KAZN: variants seen among roughly 807,000 people sequenced by gnomAD.
KAZN encodes kazrin, periplakin interacting protein.
In KAZN, 40 loss-of-function variants were observed where a neutral mutation model predicts 87.4. The ratio of observed to expected loss-of-function variants is 0.46; its 90% CI spans 0.36 to 0.60. KAZN has a LOEUF of 0.60. KAZN is among the 20% of genes least tolerant of loss of function. The probability of loss-of-function intolerance (pLI) is 0.00; values close to 1 mark genes in which losing one functional copy is unlikely to be tolerated. For synonymous variants in KAZN, 466 were observed against 458.3 expected (o/e 1.02, Z -0.22); for missense variants, 898 against 1,073.9 (o/e 0.84, Z 2.29).
chr1:14,117,361 TA>T (rs1230420607), intron 1 of KAZN, among the ~76,000 whole-genome samples: 8 of 152,262 alleles, frequency 5.3e-5, no homozygotes, highest in Middle Eastern at 3.4e-3. Context: ...CTGATGATTT[TA>T]AAAAGGGGAA....
chr1:13,953,281 A>G (rs946281569), intron 1 of KAZN, among the ~76,000 whole-genome samples: 1 of 152,214 alleles, frequency 6.6e-6, no homozygotes, highest in African/African-American at 2.4e-5. Flanking sequence ...AACACCTCTC[A>G]GAATCTGGAG....
intron 1 of KAZN, among the ~76,000 whole-genome samples, chr1:14,874,265 G>A (rs568520103): frequency 1.4e-4 from 22 of 152,128 alleles, no homozygotes; most frequent in Non-Finnish European, 2.9e-4. Flanking sequence ...ATCCAACAAA[G>A]GCTACTGAAA....
At chr1:14,588,172 G>C (rs1354436681) in intron 2 of KAZN, among the ~76,000 whole-genome samples, 2 of 152,178 alleles carry the variant, frequency 1.3e-5, no homozygotes, top group Non-Finnish European at 1.5e-5. Flanking sequence ...ACCGGGTGTG[G>C]TGTAAGAATC....
At chr1:14,386,217 G>A (rs967582018) in intron 2 of KAZN, among the ~76,000 whole-genome samples, 1 of 147,264 alleles carries the variant, frequency 6.8e-6, no homozygotes, top group African/African-American at 2.5e-5. Flanking sequence ...CTCTGCACAT[G>A]AGATGGGTTT....
intron 1 of KAZN, among the ~76,000 whole-genome samples, chr1:14,071,521 T>C (rs191155557): frequency 1.3e-5 from 2 of 152,266 alleles, no homozygotes; most frequent in East Asian, 3.9e-4. Context: ...TATTTCCCAA[T>C]GTATATTTGT....
At position 14,039,035 on chromosome 1, in the gene KAZN, G is replaced by C. The variant is rs569034382; in HGVS notation, c.92-141400G>C. Among the ~76,000 whole-genome samples, 49 of 152,170 alleles carry C rather than the reference G, an allele frequency of 3.2e-4. 1 individual carries two copies. The East Asian group carries it at 9.3e-3, about 29-fold the overall frequency. On this transcript the variant is annotated intron_variant, in intron 1 of 16. Transcript: ENST00000636203. ...ACACACAAAAAATTAGCTGGGCATGGTGGTGTGTGCCTGTAATCCCAGCTA... is the reference window on the plus strand; with the variant it reads ...ACACACAAAAAATTAGCTGGGCATGCTGGTGTGTGCCTGTAATCCCAGCTA...
At chr1:14,009,272 T>G (rs1473586758) in intron 1 of KAZN, among the ~76,000 whole-genome samples, 2 of 152,242 alleles carry the variant, frequency 1.3e-5, no homozygotes, top group Non-Finnish European at 2.9e-5. Flanking sequence ...CATACCCATA[T>G]GTACACGTAA....
chr1:15,065,563 G>C, intron 7 of KAZN, 67 bp from the exon 8 acceptor site: 1 of 1,387,056 alleles, frequency 7.2e-7, no homozygotes, highest in South Asian at 1.3e-5. Flanking sequence ...ACTGCAGTCT[G>C]CACCCCAGCT....
rs534825217 is a variant in KAZN at position 14,964,457 on chromosome 1, G to A, written c.418+3582G>A. On this transcript the variant is annotated intron_variant, in intron 2 of 14. Transcript: ENST00000376030. ...TGAGCCCATCCAAGCTCAAGGTAGCGGCATTCCTGAAAGGCAGTGAGTTGG... is the reference window on the plus strand; with the variant it reads ...TGAGCCCATCCAAGCTCAAGGTAGCAGCATTCCTGAAAGGCAGTGAGTTGG... 1.1e-4 allele frequency among the ~76,000 whole-genome samples: 17 copies of A among 152,202 alleles called. No homozygotes were observed. The South Asian group carries it at 1.7e-3, about 15-fold the overall frequency.
intron 1 of KAZN, among the ~76,000 whole-genome samples, chr1:14,633,284 T>C (rs935306897): frequency 6.6e-6 from 1 of 152,160 alleles, no homozygotes. Context: ...CCCAAAACTT[T>C]GTATGGCAGA....
chr1:14,979,565 A>T (rs1259540310), intron 2 of KAZN, among the ~76,000 whole-genome samples: 2 of 152,168 alleles, frequency 1.3e-5, no homozygotes, highest in Non-Finnish European at 2.9e-5. Flanking sequence ...GAATTCAAGC[A>T]GGTGGCTCAG....
At chr1:15,112,283 G>C in intron 13 of KAZN, 144 bp from the exon 14 acceptor site, 1 of 655,418 alleles carries the variant, frequency 1.5e-6, no homozygotes, top group Non-Finnish European at 2.8e-6. Flanking sequence ...AGGATGGCAC[G>C]TGGGAGGTAA....
At chr1:14,283,169 C>T (rs1312696829) in intron 2 of KAZN, among the ~76,000 whole-genome samples, 2 of 152,184 alleles carry the variant, frequency 1.3e-5, no homozygotes, top group African/African-American at 2.4e-5. Context: ...AATTGGGCTG[C>T]AGCTTTTTCA....
Position 14,619,203 on chromosome 1 carries a change from T to G in KAZN, c.226+19980T>G, listed in dbSNP as rs79834717. 8.3e-3 allele frequency among the ~76,000 whole-genome samples: 771 copies of G among 92,340 alleles called. 11 individuals are homozygous for G. The highest frequency in any genetic ancestry group is 0.024 in the African/African-American group (737 of 30,378). The allele number at this position is 92,340 out of a possible 152,430, so 60.6% of individuals were successfully genotyped here. A position where few individuals can be genotyped will look rare whatever the true frequency, so the allele number is the denominator to read the frequency against. ...GAAAAAGGAATTTAATCATTCTTGG[T>G]TTTTTTTTTTTTAAGACAAAATTTT... On this transcript the variant is annotated intron_variant, in intron 1 of 14. Transcript: ENST00000376030.
chr1:14,427,930 A>T (rs1665829929), intron 2 of KAZN, among the ~76,000 whole-genome samples: 1 of 152,202 alleles, frequency 6.6e-6, no homozygotes, highest in Non-Finnish European at 1.5e-5. Context: ...GAAGAGTTCC[A>T]GTATGGATTT....
At chr1:14,399,927 G>T (rs1331530779) in intron 2 of KAZN, among the ~76,000 whole-genome samples, 1 of 152,062 alleles carries the variant, frequency 6.6e-6, no homozygotes, top group African/African-American at 2.4e-5. Context: ...TTTCCCACAT[G>T]ACTTAACGGA....
intron 1 of KAZN, among the ~76,000 whole-genome samples, chr1:14,056,175 C>A (rs1642546815): frequency 6.6e-6 from 1 of 152,214 alleles, no homozygotes; most frequent in Admixed American, 6.5e-5. Flanking sequence ...AATACTGTCC[C>A]TCAAAGATGT....
chr1:14,926,116 C>T (rs961573585), intron 1 of KAZN, among the ~76,000 whole-genome samples: 4 of 152,184 alleles, frequency 2.6e-5, no homozygotes, highest in Admixed American at 2.0e-4. Flanking sequence ...GCCAGATGAC[C>T]TGTCAGTGCT....
chr1:14,254,307 TGAAGTTTGCACC>T (rs1390699075), intron 2 of KAZN, among the ~76,000 whole-genome samples: 6 of 152,218 alleles, frequency 3.9e-5, no homozygotes, highest in African/African-American at 1.4e-4. Context: ...CATCTGTGTT[TGAAGTTTGCACC>T]GACATCTGCA....
Sources: allele counts gnomAD v4.1 joint callset (sites outside exome capture counted in the v4.1 genomes callset), GRCh38; gene constraint gnomAD v4.1.1; transcripts MANE v1.5; gene names NCBI Gene and HGNC (gene_info 2026-07-23, HGNC 2026-07-21).